SLCO4A1: variants seen among roughly 807,000 people sequenced by gnomAD.
The protein encoded by SLCO4A1 is colon organic anion transporter.
In SLCO4A1, 51 loss-of-function variants were observed where a neutral mutation model predicts 64.6. The ratio of observed to expected loss-of-function variants is 0.79; its 90% CI spans 0.63 to 1.00. The LOEUF is 1.00. SLCO4A1 is among the 50% of genes least tolerant of loss of function. The probability of loss-of-function intolerance (pLI) is 0.00; values close to 1 mark genes in which losing one functional copy is unlikely to be tolerated. For missense variants in SLCO4A1, 919 were observed against 980.5 expected, an observed-to-expected ratio of 0.94 and a Z score of 0.84; for synonymous variants, 471 against 444.9, an observed-to-expected ratio of 1.06 and a Z score of -0.74.
chr20:62,665,708 G>A (rs920957247), intron 6 of SLCO4A1, among the ~76,000 whole-genome samples: 1 of 151,994 alleles, frequency 6.6e-6, no homozygotes, highest in Admixed American at 6.5e-5. Context: ...TGGCCCCTCT[G>A]GGCTGACCTC....
At chr20:62,662,786 C>G (rs1441030841) in intron 5 of SLCO4A1, among the ~76,000 whole-genome samples, 10 of 128,492 alleles carry the variant, frequency 7.8e-5, no homozygotes, top group African/African-American at 2.9e-4. Context: ...CCCACTCCAG[C>G]CCCGTCACAC....
At chr20:62,673,043 C>A (rs984042196), downstream of SLCO4A1, among the ~76,000 whole-genome samples, 5 of 143,594 alleles carry the variant, frequency 3.5e-5, no homozygotes, top group African/African-American at 1.2e-4. Context: ...CAATCCGGTG[C>A]TGGTGACATT....
chr20:62,647,389 T>A (rs1981544363), intron 1 of SLCO4A1, among the ~76,000 whole-genome samples: 3 of 152,132 alleles, frequency 2.0e-5, no homozygotes. Flanking sequence ...GGACTCGGCT[T>A]TGCCAGGCAG....
Position 62,644,829 on chromosome 20 carries a change from T to G in SLCO4A1, c.-97+2276T>G, listed in dbSNP as rs1005639606. 2.0e-5 allele frequency among the ~76,000 whole-genome samples: 3 copies of G among 152,126 alleles called. No homozygotes were observed. Among genetic ancestry groups the G allele is most frequent in the Non-Finnish European group, 4.4e-5 (3 of 68,016 alleles). ...CCTGGTGCTCTCCCCAGCAGATGGT[T>G]GTAGGTGGTCAGAGATGAGCCACAG... On this transcript the variant is annotated intron_variant, in intron 1 of 11. Coordinates refer to ENST00000217159, the MANE Select transcript of SLCO4A1 (RefSeq NM_016354.4). This position sits in a 1 kb window ranked among gnomAD's most constrained non-coding sequence, Gnocchi z 5.4.
At chr20:62,668,280 C>CA in intron 9 of SLCO4A1, 96 bp downstream of exon 9, 1 of 1,440,866 alleles carries the variant, frequency 6.9e-7, no homozygotes. Flanking sequence ...CTCCAGGAAA[C>CA]ACCCAGGTCT....
At chr20:62,664,699 C>T (rs1026688300) in intron 5 of SLCO4A1, among the ~76,000 whole-genome samples, 4 of 152,228 alleles carry the variant, frequency 2.6e-5, no homozygotes, top group Non-Finnish European at 4.4e-5. Context: ...CACCTGCCTG[C>T]ACCCCACTCT....
intron 3 of SLCO4A1, among the ~76,000 whole-genome samples, chr20:62,658,992 G>T (rs969564329): frequency 6.6e-6 from 1 of 152,250 alleles, no homozygotes; most frequent in African/African-American, 2.4e-5. Flanking sequence ...CAGGCAGGCA[G>T]TGCCCGAGGC....
In SLCO4A1 at chr20:62,660,286, G is replaced by GT. The variant is rs1984519895; in HGVS notation, c.888-124dup. On this transcript the variant is annotated intron_variant, in intron 3 of 11. Coordinates refer to ENST00000217159, the MANE Select transcript of SLCO4A1 (RefSeq NM_016354.4). Reference sequence around the variant, plus strand: ...GTGGCCAGCAGCACCAGGGGCCTGTGTTGACCAGCGTGCAGACAGACCCTG... The same window carrying GT: ...GTGGCCAGCAGCACCAGGGGCCTGTGTTTGACCAGCGTGCAGACAGACCCTG... The GT allele has an allele frequency of 5.3e-6, 6 of 1,122,414 alleles. No homozygotes were observed. In the East Asian group the frequency reaches 1.6e-4, roughly 29 times the overall value. 69.5% of individuals were successfully genotyped at this position (1,122,414 alleles called of 1,614,324 possible).
At chr20:62,647,732 C>G (rs1301324995) in intron 1 of SLCO4A1, among the ~76,000 whole-genome samples, 1 of 152,258 alleles carries the variant, frequency 6.6e-6, no homozygotes, top group Non-Finnish European at 1.5e-5. Context: ...AGAAGTGGCA[C>G]AGGCCGGGCT....
At chr20:62,664,860 C>G (rs1985789868) in intron 5 of SLCO4A1, 74 bp from the exon 6 acceptor site, 2 of 1,418,992 alleles carry the variant, frequency 1.4e-6, no homozygotes, top group South Asian at 2.8e-5. Context: ...GACCCTCAGT[C>G]TCTTCTCCAC....
At chr20:62,683,149 T>A (rs1282852974) in intron 2 of SLCO4A1, among the ~76,000 whole-genome samples, 2 of 152,250 alleles carry the variant, frequency 1.3e-5, no homozygotes, top group East Asian at 3.8e-4. Context: ...GCGCATGTGA[T>A]CACCGTTTAA....
chr20:62,649,454 A>G (rs1982026013), intron 1 of SLCO4A1: 1 of 152,332 alleles, frequency 6.6e-6, no homozygotes. Context: ...GACACATGAA[A>G]TTCGCTATCA....
Position 62,657,160 on chromosome 20 carries a change from C to T in SLCO4A1, c.706C>T (p.Leu236=). ...YQLVFMLGQF[L]HGVGATPLYT... ...GCTGGTCTTCATGCTGGGCCAGTTCCTGCATGGCGTGGGTGCCACACCCCT... is the reference window on the plus strand; with the variant it reads ...GCTGGTCTTCATGCTGGGCCAGTTCTTGCATGGCGTGGGTGCCACACCCCT... The change falls in exon 2 of 12, where the codon CTG becomes TTG. Residue 236 remains leucine (L), a synonymous_variant. Transcript: ENST00000217159. 16 of 1,558,958 alleles carry T rather than the reference C, an allele frequency of 1.0e-5. No individual in the cohort carries two copies. Among genetic ancestry groups the T allele is most frequent in the Non-Finnish European group, 1.4e-5 (16 of 1,152,462 alleles).
Position 62,685,349 on chromosome 20 carries a change from T to G in SLCO4A1, n.212-92T>G. 1.6e-6 allele frequency: 1 copy of G among 644,642 alleles called. No individual in the cohort carries two copies. Among genetic ancestry groups the G allele is most frequent in the Non-Finnish European group, 1.9e-6 (1 of 518,692 alleles). The allele number at this position is 644,642 out of a possible 1,614,324, so 39.9% of individuals were successfully genotyped here. A position where few individuals can be genotyped will look rare whatever the true frequency, so the allele number is the denominator to read the frequency against. ...CAGCTGGTCGGTGCCCAAGGGTGGG[T>G]TCGTGGGGCAACTGCACCCGCTCCC... On this transcript the variant is annotated intron_variant and non_coding_transcript_variant, in intron 2 of 2. Transcript: ENST00000466818. This position sits in a 1 kb window ranked among gnomAD's most constrained non-coding sequence, Gnocchi z 4.6.
At chr20:62,671,280 G>A (rs529233857) in intron 11 of SLCO4A1, among the ~76,000 whole-genome samples, 40 of 152,198 alleles carry the variant, frequency 2.6e-4, no homozygotes, top group Non-Finnish European at 3.1e-4. Context: ...GGGGCAGGGC[G>A]GGCTCCTTCC....
chr20:62,667,636 C>T, intron 7 of SLCO4A1, 109 bp from the exon 8 acceptor site: 3 of 1,341,954 alleles, frequency 2.2e-6, no homozygotes, highest in Non-Finnish European at 1.0e-6. Flanking sequence ...AGTTTGTAGA[C>T]CCGAAATGCA....
intron 5 of SLCO4A1, among the ~76,000 whole-genome samples, chr20:62,664,655 C>T (rs1373477065): frequency 1.3e-5 from 2 of 152,208 alleles, no homozygotes; most frequent in African/African-American, 4.8e-5. Context: ...CCTGGCGCCC[C>T]CTGGGTTTCT....
intron 7 of SLCO4A1, among the ~76,000 whole-genome samples, chr20:62,667,258 G>T (rs1187771640): frequency 6.6e-6 from 1 of 152,230 alleles, no homozygotes; most frequent in Admixed American, 6.5e-5. Flanking sequence ...GACAATGGGC[G>T]CAGTGTGCTC....
At chr20:62,669,612 G>A (rs1019550746) in intron 11 of SLCO4A1, among the ~76,000 whole-genome samples, 1 of 152,226 alleles carries the variant, frequency 6.6e-6, no homozygotes, top group African/African-American at 2.4e-5. Flanking sequence ...TGCTACCTGG[G>A]AGGAAACGCA....
Sources: allele counts gnomAD v4.1 joint callset (sites outside exome capture counted in the v4.1 genomes callset), GRCh38; gene constraint gnomAD v4.1.1; non-coding constraint Gnocchi (gnomAD v3.1); transcripts MANE v1.5; gene names NCBI Gene and HGNC (gene_info 2026-07-23, HGNC 2026-07-21).